VPS13B: variants seen among roughly 807,000 people sequenced by gnomAD.
The protein encoded by VPS13B is vacuolar protein sorting 13 homolog B.
Under a neutral mutation model 426.4 loss-of-function variants are expected in VPS13B, and 285 were observed. The observed-to-expected ratio is 0.67, with a 90% CI of 0.61 to 0.74. VPS13B has a LOEUF of 0.74. Among genes scored for constraint, VPS13B ranks in the 30% least tolerant of loss-of-function variants. VPS13B has a pLI of 0.00. For missense variants in VPS13B, 4,537 were observed against 4,782.6 expected (o/e 0.95, Z 1.51); for synonymous variants, 1,676 against 1,676.4 (o/e 1.00, Z 0.01).
chr8:99,820,875 G>A (rs1384380137), intron 49 of VPS13B, among the ~76,000 whole-genome samples: 1 of 151,604 alleles, frequency 6.6e-6, no homozygotes, highest in Non-Finnish European at 1.5e-5. Flanking sequence ...AAATAATCAG[G>A]TGATGTTACC....
Position 99,854,413 on chromosome 8 carries a change from C to G in VPS13B, c.10867+157C>G, listed in dbSNP as rs115753096. Reference sequence around the variant, plus strand: ...ACAGAACTGGATCTAAATCTAGAGCCTGCCACTGTTAGCTGTAAGACTTTG... The same window carrying G: ...ACAGAACTGGATCTAAATCTAGAGCGTGCCACTGTTAGCTGTAAGACTTTG... On this transcript the variant is annotated intron_variant, in intron 56 of 61. Coordinates refer to ENST00000357162, the MANE Select transcript of VPS13B (RefSeq NM_152564.5). Among the ~76,000 whole-genome samples the G allele has an allele frequency of 0.011, 1,672 of 152,254 alleles. 37 individuals carry two copies. Among genetic ancestry groups the G allele is most frequent in the African/African-American group, 0.038 (1,591 of 41,524 alleles).
chr8:99,523,840 C>T (rs1822505877), intron 30 of VPS13B, among the ~76,000 whole-genome samples: 1 of 152,114 alleles, frequency 6.6e-6, no homozygotes, highest in Non-Finnish European at 1.5e-5. Context: ...CATCGATGAA[C>T]ATTCATAAGC....
intron 3 of VPS13B, among the ~76,000 whole-genome samples, chr8:99,087,913 G>A (rs777766352): frequency 3.5e-4 from 53 of 152,044 alleles, no homozygotes; most frequent in Non-Finnish European, 5.7e-4. Context: ...GCTGGGCGCA[G>A]TGGCTCATGT....
chr8:99,264,081 T>C (rs540896254), intron 17 of VPS13B, among the ~76,000 whole-genome samples: 4 of 151,964 alleles, frequency 2.6e-5, no homozygotes, highest in South Asian at 4.2e-4. Flanking sequence ...ATAACTGTCT[T>C]TTTTTTTGTT....
At chr8:99,407,723 G>A (rs1193917232) in intron 21 of VPS13B, among the ~76,000 whole-genome samples, 1 of 151,670 alleles carries the variant, frequency 6.6e-6, no homozygotes, top group Non-Finnish European at 1.5e-5. Context: ...CAACGTGCAG[G>A]TTTGTTACAT....
At chr8:99,692,168 G>T (rs199971339) in intron 35 of VPS13B, among the ~76,000 whole-genome samples, 9,002 of 145,652 alleles carry the variant, frequency 0.062, 376 homozygotes, top group African/African-American at 0.12. Flanking sequence ...CCCAGGAATT[G>T]AACTCAGCTG....
At chr8:99,085,408 G>A (rs541917192) in intron 3 of VPS13B, among the ~76,000 whole-genome samples, 20 of 152,154 alleles carry the variant, frequency 1.3e-4, no homozygotes, top group Admixed American at 2.6e-4. Flanking sequence ...CTCTTTATCC[G>A]ATTTGCCAGT....
chr8:99,266,116 C>A (rs532181942), intron 17 of VPS13B, among the ~76,000 whole-genome samples: 1 of 152,144 alleles, frequency 6.6e-6, no homozygotes, highest in South Asian at 2.1e-4. Flanking sequence ...CAGAAGTGAT[C>A]ATAAGCTGAC....
chr8:99,812,557 A>G (rs1470729206), intron 44 of VPS13B, among the ~76,000 whole-genome samples: 3 of 152,200 alleles, frequency 2.0e-5, no homozygotes, highest in Non-Finnish European at 4.4e-5. Flanking sequence ...ATGCTGGGTT[A>G]TCTGTGCTCT....
chr8:99,744,258 A>G (rs1388369512), intron 39 of VPS13B, among the ~76,000 whole-genome samples: 1 of 152,288 alleles, frequency 6.6e-6, no homozygotes, highest in South Asian at 2.1e-4. Context: ...GCAAATCAAA[A>G]CCACAGTGAG....
intron 33 of VPS13B, among the ~76,000 whole-genome samples, chr8:99,630,333 C>CT (rs1439202674): frequency 1.3e-5 from 2 of 152,066 alleles, no homozygotes; most frequent in South Asian, 2.1e-4. Context: ...CAGTTATGCT[C>CT]TTTTTTCATC....
intron 4 of VPS13B, among the ~76,000 whole-genome samples, chr8:99,102,734 A>G (rs969809285): frequency 2.0e-5 from 3 of 152,210 alleles, no homozygotes; most frequent in East Asian, 3.8e-4. Context: ...ATACTTCACT[A>G]TAGAACTTCT....
chr8:99,809,608 T>C (rs1177960598), intron 44 of VPS13B, 78 bp downstream of exon 44: 2 of 1,578,264 alleles, frequency 1.3e-6, no homozygotes, highest in Non-Finnish European at 1.7e-6. Flanking sequence ...TAATAATTTT[T>C]TTAAAATCAC....
chr8:99,134,779 T>A, intron 9 of VPS13B, 52 bp downstream of exon 9: 1 of 1,420,056 alleles, frequency 7.0e-7, no homozygotes, highest in Middle Eastern at 1.9e-4. Flanking sequence ...TCTTTAATAT[T>A]TTATAAATAC....
intron 5 of VPS13B, 69 bp downstream of exon 5, chr8:99,103,189 C>CT: frequency 6.4e-7 from 1 of 1,563,764 alleles, no homozygotes; most frequent in East Asian, 2.2e-5. Context: ...CTTAACCCTT[C>CT]TTTGGGCCAA....
At position 99,608,689 on chromosome 8, in the gene VPS13B, A is replaced by G. The variant is rs73702029; in HGVS notation, c.5220+31056A>G. Among the ~76,000 whole-genome samples, 224 of 152,212 alleles carry G rather than the reference A, an allele frequency of 1.5e-3. 1 individual carries two copies. Among genetic ancestry groups the G allele is most frequent in the African/African-American group, 5.3e-3 (219 of 41,526 alleles). Reference sequence around the variant, plus strand: ...CCTCCACTGCTAGGCAACCACTAACATACCTTGTTTCTCTATCTATTTGCC... The same window carrying G: ...CCTCCACTGCTAGGCAACCACTAACGTACCTTGTTTCTCTATCTATTTGCC... On this transcript the variant is annotated intron_variant, in intron 33 of 61. Transcript: ENST00000357162.
At chr8:99,720,642 G>A (rs1041606388) in intron 38 of VPS13B, 90 bp downstream of exon 38, 2 of 1,405,952 alleles carry the variant, frequency 1.4e-6, no homozygotes, top group Middle Eastern at 1.8e-4. Context: ...AATCAAGATG[G>A]CTTTTTAAAG....
chr8:99,029,815 G>T (rs9773498), intron 2 of VPS13B, among the ~76,000 whole-genome samples: 152 of 135,650 alleles, frequency 1.1e-3, no homozygotes, highest in African/African-American at 4.0e-3. Context: ...GAGACGGAGA[G>T]GGAGAGGGAG....
chr8:99,769,634 G>A (rs186919014), intron 40 of VPS13B, among the ~76,000 whole-genome samples: 6 of 152,170 alleles, frequency 3.9e-5, no homozygotes, highest in Admixed American at 3.3e-4. Flanking sequence ...ATGTTCCTGT[G>A]GTAATGGCAT....
Sources: gnomAD v4.1 joint callset for allele counts (sites outside exome capture counted in the v4.1 genomes callset) on GRCh38, gnomAD v4.1.1 for gene constraint, MANE v1.5 for transcripts, NCBI Gene and HGNC (gene_info 2026-07-23, HGNC 2026-07-21) for gene names.